The following CLIC5 variants were observed in gnomAD, a reference collection of about 807,000 sequenced individuals.
The protein encoded by CLIC5 is CLIC family member 5.
CLIC5 carries 20 observed loss-of-function variants against 24.7 expected under a neutral mutation model. The ratio of observed to expected loss-of-function variants is 0.81; its 90% CI spans 0.57 to 1.18. The LOEUF is 1.18. Among genes scored for constraint, CLIC5 ranks in the 50% most tolerant of loss-of-function variants. CLIC5 has a pLI of 0.00. For missense variants in CLIC5, 341 were observed against 326.1 expected, an observed-to-expected ratio of 1.05 and a Z score of -0.35; for synonymous variants, 159 against 135.6, an observed-to-expected ratio of 1.17 and a Z score of -1.20.
chr6:45,912,550 A>G, intron 5 of CLIC5: 1 of 1,392,616 alleles, frequency 7.2e-7, no homozygotes, highest in East Asian at 2.6e-5. Flanking sequence ...GAAGGAATAC[A>G]ATCCACTTCT....
At chr6:46,038,211 C>G (rs557940358) in intron 1 of CLIC5, among the ~76,000 whole-genome samples, 50 of 152,206 alleles carry the variant, frequency 3.3e-4, no homozygotes, top group African/African-American at 1.1e-3. Flanking sequence ...AAATGAAGCA[C>G]AGATAGATGT....
At chr6:46,001,321 C>G (rs149805859) in intron 1 of CLIC5, among the ~76,000 whole-genome samples, 1 of 152,118 alleles carries the variant, frequency 6.6e-6, no homozygotes, top group Non-Finnish European at 1.5e-5. Flanking sequence ...AACAGGTCTA[C>G]GGGGGAGAGA....
chr6:46,034,524 C>A (rs752976942), intron 1 of CLIC5, among the ~76,000 whole-genome samples: 1 of 152,150 alleles, frequency 6.6e-6, no homozygotes, highest in African/African-American at 2.4e-5. Flanking sequence ...ATTGCTTGAG[C>A]CCAGGAGTTC....
chr6:45,931,416 G>A (rs558777291), intron 4 of CLIC5, among the ~76,000 whole-genome samples: 3 of 152,058 alleles, frequency 2.0e-5, no homozygotes, highest in Non-Finnish European at 2.9e-5. Context: ...TTCCAACAGG[G>A]CAGCTCAAGG....
intron 1 of CLIC5, among the ~76,000 whole-genome samples, chr6:46,078,812 C>A (rs1264440522): frequency 6.6e-6 from 1 of 152,026 alleles, no homozygotes; most frequent in East Asian, 1.9e-4. Flanking sequence ...CAACAAAGGG[C>A]AAAATTAGTA....
intron 1 of CLIC5, among the ~76,000 whole-genome samples, chr6:46,075,311 T>C (rs1263476714): frequency 6.6e-6 from 1 of 152,074 alleles, no homozygotes; most frequent in Non-Finnish European, 1.5e-5. Flanking sequence ...CTTCTGCTTG[T>C]AATCCTAGCA....
At position 45,914,393 on chromosome 6, in the gene CLIC5, T is replaced by C; in HGVS notation, c.423A>G (p.Leu141=). The C allele has an allele frequency of 6.4e-7, 1 of 1,571,286 alleles. No homozygotes were observed. Among genetic ancestry groups the C allele is most frequent in the South Asian group, 1.2e-5 (1 of 86,532 alleles). The change falls in exon 5 of 6, where the codon CTA becomes CTG. Residue 141 remains leucine (L), a synonymous_variant. Transcript: ENST00000339561. ...QQNNAALERG[L]TKALKKLDDY... ...CATCCAATTTCTTTAGAGCCTTGGT[T>C]AGGCCTCTTTCAAGAGCTGGCATGA...
exon 1 of CLIC5, chr6:46,079,885 A>C (rs1163092795): frequency 7.1e-6 from 11 of 1,551,978 alleles, no homozygotes; most frequent in Non-Finnish European, 8.7e-7. Context: ...TCTGCTGCGC[A>C]GAGTTGCTGG....
At chr6:45,912,757 A>C in intron 5 of CLIC5, 1 of 1,496,866 alleles carries the variant, frequency 6.7e-7, no homozygotes, top group Middle Eastern at 1.7e-4. Context: ...GAAGAAGAAT[A>C]AAGGATGATG....
At position 46,078,217 on chromosome 6, in the gene CLIC5, A is replaced by G. The variant is rs532555740; in HGVS notation, c.540+1486T>C. ...TCTACTAAAAATTCAAAAATTAGCC[A>G]GACCAGGTGGCACATGCCTGTAATC... On this transcript the variant is annotated intron_variant, in intron 1 of 5. Transcript: ENST00000185206. Among the ~76,000 whole-genome samples, 11 of 152,244 alleles carry G rather than the reference A, an allele frequency of 7.2e-5. No homozygotes were observed. In the South Asian group the frequency reaches 2.1e-3, roughly 29 times the overall value.
intron 3 of CLIC5, among the ~76,000 whole-genome samples, chr6:45,947,680 A>AT (rs1004534729): frequency 2.0e-5 from 3 of 152,018 alleles, no homozygotes; most frequent in East Asian, 3.9e-4. Flanking sequence ...TGAAAACAGC[A>AT]TTTTTTTTCA....
At chr6:46,128,269 A>C in the CLIC5 span, among the ~76,000 whole-genome samples, 2 of 151,962 alleles carry the variant, frequency 1.3e-5, no homozygotes, top group South Asian at 2.1e-4. Flanking sequence ...CAGTGGATAA[A>C]GAGAGTCCTC....
chr6:46,017,118 T>C (rs555847210), upstream of CLIC5, among the ~76,000 whole-genome samples: 40 of 152,252 alleles, frequency 2.6e-4, 1 homozygote, highest in African/African-American at 9.4e-4. Context: ...CTGCCATAGG[T>C]TTTCTAAAGT....
At chr6:45,935,832 A>T (rs968363350) in intron 4 of CLIC5, among the ~76,000 whole-genome samples, 2 of 152,210 alleles carry the variant, frequency 1.3e-5, no homozygotes, top group African/African-American at 4.8e-5. Context: ...AAAAGCAGAC[A>T]GAAAAGGATA....
intron 4 of CLIC5, among the ~76,000 whole-genome samples, chr6:45,931,322 A>T (rs60222305): frequency 0.021 from 3,178 of 152,284 alleles, 123 homozygotes; most frequent in African/African-American, 0.073. Context: ...GGGACAGAGA[A>T]CAGAGTTGCT....
At chr6:46,107,646 G>A in the CLIC5 span, among the ~76,000 whole-genome samples, 1 of 152,136 alleles carries the variant, frequency 6.6e-6, no homozygotes, top group Non-Finnish European at 1.5e-5. Flanking sequence ...TAAGGAGGCA[G>A]GAAAATGTGG....
chr6:45,934,034 C>T (rs182260910), intron 4 of CLIC5, among the ~76,000 whole-genome samples: 6 of 152,178 alleles, frequency 3.9e-5, no homozygotes, highest in African/African-American at 7.2e-5. Flanking sequence ...TCCGTGCCTG[C>T]GGCTCACAGC....
the CLIC5 span, among the ~76,000 whole-genome samples, chr6:46,096,864 A>G: frequency 6.6e-6 from 1 of 152,246 alleles, no homozygotes; most frequent in Non-Finnish European, 1.5e-5. Context: ...AAGCTATAGA[A>G]GGCAAAACAA....
At chr6:46,057,155 A>G (rs962977073) in intron 1 of CLIC5, among the ~76,000 whole-genome samples, 8 of 152,164 alleles carry the variant, frequency 5.3e-5, no homozygotes, top group African/African-American at 9.7e-5. Flanking sequence ...TGCCTGTGAT[A>G]TGGTTTGGCT....
Sources: gnomAD v4.1 joint callset for allele counts (sites outside exome capture counted in the v4.1 genomes callset) on GRCh38, gnomAD v4.1.1 for gene constraint, MANE v1.5 for transcripts, NCBI Gene and HGNC (gene_info 2026-07-23, HGNC 2026-07-21) for gene names.